Variants in ERICH1 observed in about 807,000 individuals in gnomAD.
The protein encoded by ERICH1 is glutamate rich 1.
A neutral mutation model predicts 39.6 loss-of-function variants in ERICH1; 56 were observed. The observed-to-expected ratio is 1.41, with a 90% confidence interval of 1.14 to 1.77. ERICH1 has a LOEUF of 1.77. Ranked by LOEUF, ERICH1 falls within the 40% of genes most tolerant of loss-of-function variation. The probability of loss-of-function intolerance (pLI) is 0.00; values close to 1 mark genes in which losing one functional copy is unlikely to be tolerated. For missense variants in ERICH1, 826 were observed against 575.4 expected (o/e 1.44, Z -4.45); for synonymous variants, 313 against 223.6 (o/e 1.40, Z -3.57).
At chr8:723,166 C>A (rs1273144324) in intron 1 of ERICH1, among the ~76,000 whole-genome samples, 1 of 152,236 alleles carries the variant, frequency 6.6e-6, no homozygotes, top group African/African-American at 2.4e-5. Context: ...CCATAGGACG[C>A]TGGCTCCCCT....
At chr8:679,160 G>T (rs1255031164) in intron 3 of ERICH1, among the ~76,000 whole-genome samples, 1 of 140,962 alleles carries the variant, frequency 7.1e-6, no homozygotes, top group African/African-American at 2.7e-5. Flanking sequence ...GCCCCTCACA[G>T]CTCCCACCCC....
chr8:715,198 C>T (rs1356301060), intron 2 of ERICH1, among the ~76,000 whole-genome samples: 1 of 151,510 alleles, frequency 6.6e-6, no homozygotes, highest in Non-Finnish European at 1.5e-5. Context: ...TGTGGTCCAC[C>T]CAGGTGGTCT....
intron 3 of ERICH1, among the ~76,000 whole-genome samples, chr8:629,735 G>A (rs866732967): frequency 6.3e-5 from 8 of 127,788 alleles, no homozygotes; most frequent in African/African-American, 1.3e-4. Context: ...ACACCCTCCC[G>A]TGACAACCCA....
chr8:702,053 G>T (rs994860437), intron 2 of ERICH1, among the ~76,000 whole-genome samples: 1 of 139,252 alleles, frequency 7.2e-6, no homozygotes, highest in Non-Finnish European at 1.5e-5. Flanking sequence ...CTCCAGCCTC[G>T]GTGACAGAGC....
chr8:619,253 T>A (rs1341708098), intron 3 of ERICH1, among the ~76,000 whole-genome samples: 1 of 152,136 alleles, frequency 6.6e-6, no homozygotes, highest in Non-Finnish European at 1.5e-5. Context: ...AAAGGGCACG[T>A]GACCCATCGC....
At chr8:654,151 A>G (rs764609876) in intron 3 of ERICH1, among the ~76,000 whole-genome samples, 4 of 152,214 alleles carry the variant, frequency 2.6e-5, no homozygotes, top group South Asian at 2.1e-4. Context: ...TGTATTTTTT[A>G]AAGTATAGTA....
chr8:639,067 G>A (rs1288757891), intron 3 of ERICH1, among the ~76,000 whole-genome samples: 3 of 152,290 alleles, frequency 2.0e-5, no homozygotes, highest in South Asian at 4.1e-4. Context: ...GAAGACCACG[G>A]TCCATGCTGC....
chr8:706,822 A>C (rs1813388218), intron 2 of ERICH1, among the ~76,000 whole-genome samples: 1 of 152,200 alleles, frequency 6.6e-6, no homozygotes, highest in South Asian at 2.1e-4. Context: ...AAACTACAAA[A>C]GATGGTTGAA....
At chr8:619,333 G>T (rs1324720181) in intron 3 of ERICH1, among the ~76,000 whole-genome samples, 1 of 152,168 alleles carries the variant, frequency 6.6e-6, no homozygotes, top group African/African-American at 2.4e-5. Flanking sequence ...CACACAAGGG[G>T]ATTCTGTAGA....
chr8:694,040 A>G (rs1809568037), intron 2 of ERICH1, among the ~76,000 whole-genome samples: 1 of 152,214 alleles, frequency 6.6e-6, no homozygotes, highest in South Asian at 2.1e-4. Context: ...TGACAAACAC[A>G]AGTGGACATC....
Position 715,924 on chromosome 8 carries a change from G to T in ERICH1, c.106C>A (p.Gln36Lys). Residue 36 changes from glutamine to lysine, a missense_variant, in exon 2 of 6, where the codon CAA (glutamine) becomes AAA (lysine). Coordinates refer to ENST00000262109, the MANE Select transcript of ERICH1 (RefSeq NM_207332.3). ...GAGGTCACTTTCTTTGGTGGATTTT[G>T]GACGGCCAGCGTCTGGGGTTCCCTC... ...GKREPQTLAVQNPPKKVTSEK... is the reference protein window; with the variant it reads ...GKREPQTLAVKNPPKKVTSEK... 6.8e-6 allele frequency: 11 copies of T among 1,614,002 alleles called. No homozygotes were observed. The highest frequency in any genetic ancestry group is 9.3e-6 in the Non-Finnish European group (11 of 1,179,976).
At chr8:616,039 C>T (rs949181480) in intron 3 of ERICH1, 2 of 154,434 alleles carry the variant, frequency 1.3e-5, no homozygotes, top group Admixed American at 6.4e-5. Context: ...ATTCTCAGCC[C>T]ATCACTCCGC....
chr8:699,286 G>T (rs777816960), intron 2 of ERICH1, among the ~76,000 whole-genome samples: 1 of 152,044 alleles, frequency 6.6e-6, no homozygotes, highest in African/African-American at 2.4e-5. Context: ...AAATGCTACC[G>T]GGGGGAGCGC....
intron 4 of ERICH1, 156 bp from the exon 5 acceptor site, chr8:668,948 C>T: frequency 1.4e-6 from 1 of 695,286 alleles, no homozygotes; most frequent in Middle Eastern, 4.0e-4. Flanking sequence ...AGAATCAGAA[C>T]AGAGCTCAGC....
At chr8:670,825 G>C (rs1803133991) in intron 4 of ERICH1, among the ~76,000 whole-genome samples, 1 of 151,810 alleles carries the variant, frequency 6.6e-6, no homozygotes, top group Admixed American at 6.6e-5. Context: ...CTGGTCCCCA[G>C]GCTCTGACCT....
intron 4 of ERICH1, among the ~76,000 whole-genome samples, chr8:669,962 C>T (rs1260641805): frequency 2.6e-5 from 4 of 152,168 alleles, no homozygotes; most frequent in African/African-American, 9.6e-5. Flanking sequence ...AATGTCACAT[C>T]TCCGTCCTGC....
chr8:675,199 CGGCGCCCCCTCGTG>C (rs1804455621), intron 3 of ERICH1, among the ~76,000 whole-genome samples: 1 of 34,020 alleles, frequency 2.9e-5, no homozygotes, highest in African/African-American at 1.3e-4. Flanking sequence ...GACAGAGACG[CGGCGCCCCCTCGTG>C]AGGACAGAGA....
At chr8:698,816 G>C (rs549711045) in intron 2 of ERICH1, among the ~76,000 whole-genome samples, 1 of 152,074 alleles carries the variant, frequency 6.6e-6, no homozygotes, top group African/African-American at 2.4e-5. Flanking sequence ...AAAAGTGCTG[G>C]AGGCAAAACC....
intron 3 of ERICH1, among the ~76,000 whole-genome samples, chr8:681,618 C>T (rs938978866): frequency 6.6e-6 from 1 of 152,216 alleles, no homozygotes; most frequent in Non-Finnish European, 1.5e-5. Flanking sequence ...CCAGAAGCCA[C>T]AGAACCCATC....
Sources: allele counts gnomAD v4.1 joint callset (sites outside exome capture counted in the v4.1 genomes callset), GRCh38; gene constraint gnomAD v4.1.1; transcripts MANE v1.5; gene names NCBI Gene and HGNC (gene_info 2026-07-23, HGNC 2026-07-21).